TRIM2: variants seen among roughly 807,000 people sequenced by gnomAD.
TRIM2 encodes tripartite motif containing 2, also known as tripartite motif-containing protein 2.
Under a neutral mutation model 75.2 loss-of-function variants are expected in TRIM2, and 20 were observed. The observed-to-expected ratio is 0.27, with a 90% CI of 0.19 to 0.39. TRIM2 has a LOEUF of 0.39. TRIM2 is among the 10% of genes least tolerant of loss of function. The pLI, the probability that TRIM2 is intolerant of heterozygous loss-of-function variation, is 1.00. For synonymous variants in TRIM2, 373 were observed against 388.3 expected (o/e 0.96, Z 0.46); for missense variants, 660 against 990.8 (o/e 0.67, Z 4.48).
At chr4:153,315,709 A>G in intron 7 of TRIM2, 121 bp downstream of exon 7, 1 of 1,456,090 alleles carries the variant, frequency 6.9e-7, no homozygotes, top group Non-Finnish European at 9.5e-7. Flanking sequence ...GTTTATGTAG[A>G]CTTTTCTTCA....
intron 1 of TRIM2, among the ~76,000 whole-genome samples, chr4:153,221,763 TAAG>T (rs1390903177): frequency 3.9e-5 from 3 of 76,334 alleles, no homozygotes; most frequent in South Asian, 1.1e-3. Context: ...AGGGAGGAAA[TAAG>T]GAAGGAAGGA....
intron 3 of TRIM2, among the ~76,000 whole-genome samples, chr4:153,285,244 T>C (rs905966077): frequency 4.6e-5 from 7 of 152,212 alleles, no homozygotes; most frequent in Admixed American, 2.6e-4. Context: ...CAATTGACCA[T>C]GGATGTATGG....
intron 1 of TRIM2, among the ~76,000 whole-genome samples, chr4:153,235,567 T>A (rs1744814409): frequency 6.6e-6 from 1 of 152,192 alleles, no homozygotes; most frequent in Non-Finnish European, 1.5e-5. Flanking sequence ...ATTACAGGTG[T>A]GAGCCATGGT....
chr4:153,208,018 C>G (rs974269679), intron 1 of TRIM2, among the ~76,000 whole-genome samples: 5 of 152,154 alleles, frequency 3.3e-5, no homozygotes, highest in Non-Finnish European at 5.9e-5. Context: ...CACTTCTGGC[C>G]AGGTGCAGTG....
At chr4:153,263,464 A>G (rs767614090) in intron 1 of TRIM2, among the ~76,000 whole-genome samples, 1 of 152,204 alleles carries the variant, frequency 6.6e-6, no homozygotes, top group Non-Finnish European at 1.5e-5. Context: ...TGCTGCTGTG[A>G]ATAAGTCCGT....
chr4:153,301,265 A>G (rs1056014477), intron 6 of TRIM2, among the ~76,000 whole-genome samples: 1 of 152,072 alleles, frequency 6.6e-6, no homozygotes, highest in African/African-American at 2.4e-5. Flanking sequence ...AATAGGCTCA[A>G]GTGGTTCTCC....
chr4:153,170,301 G>A (rs1730715537), intron 1 of TRIM2, among the ~76,000 whole-genome samples: 1 of 152,182 alleles, frequency 6.6e-6, no homozygotes, highest in Non-Finnish European at 1.5e-5. Context: ...CCACTTTTCA[G>A]TGAATATGAA....
At chr4:153,269,666 G>A (rs902469707) in intron 1 of TRIM2, among the ~76,000 whole-genome samples, 6 of 152,140 alleles carry the variant, frequency 3.9e-5, no homozygotes, top group African/African-American at 1.4e-4. Flanking sequence ...ATATAGTCAT[G>A]GCTAAAGGCA....
chr4:153,184,759 C>G (rs1732422189), intron 1 of TRIM2, among the ~76,000 whole-genome samples: 1 of 152,198 alleles, frequency 6.6e-6, no homozygotes, highest in Non-Finnish European at 1.5e-5. Flanking sequence ...AATACTGCTG[C>G]TTTTATCCTG....
intron 1 of TRIM2, among the ~76,000 whole-genome samples, chr4:153,170,604 C>T (rs562688350): frequency 3.9e-5 from 6 of 152,272 alleles, no homozygotes; most frequent in African/African-American, 1.2e-4. Flanking sequence ...AGCACATTCA[C>T]CCACAAGCTA....
chr4:153,311,508 A>G (rs974381806), intron 6 of TRIM2, among the ~76,000 whole-genome samples: 7 of 152,014 alleles, frequency 4.6e-5, no homozygotes, highest in African/African-American at 1.7e-4. Flanking sequence ...GTGTTCATCT[A>G]TTCTGTTCAG....
At chr4:153,244,612 T>C (rs1358843797) in intron 1 of TRIM2, among the ~76,000 whole-genome samples, 2 of 151,950 alleles carry the variant, frequency 1.3e-5, no homozygotes, top group East Asian at 3.9e-4. Context: ...AATGGATTTA[T>C]AAGAAAGCTT....
intron 8 of TRIM2, among the ~76,000 whole-genome samples, chr4:153,318,289 C>T (rs1389697826): frequency 6.6e-6 from 1 of 152,220 alleles, no homozygotes; most frequent in Non-Finnish European, 1.5e-5. Flanking sequence ...CTGCTGTAGT[C>T]CCCTCATTGT....
intron 6 of TRIM2, among the ~76,000 whole-genome samples, chr4:153,304,714 A>G (rs907388309): frequency 1.3e-5 from 2 of 152,232 alleles, no homozygotes; most frequent in Admixed American, 1.3e-4. Context: ...GCCTGGTATA[A>G]TTTAAAATCT....
chr4:153,305,614 GA>G (rs1230678692), intron 6 of TRIM2, among the ~76,000 whole-genome samples: 1 of 152,180 alleles, frequency 6.6e-6, no homozygotes, highest in African/African-American at 2.4e-5. Flanking sequence ...TAATATGGTG[GA>G]AAAGCTGAAG....
intron 1 of TRIM2, among the ~76,000 whole-genome samples, chr4:153,205,980 ACT>A (rs1735311200): frequency 6.6e-6 from 1 of 152,116 alleles, no homozygotes; most frequent in Non-Finnish European, 1.5e-5. Context: ...GGAAATTCTG[ACT>A]CTGCCAGTGA....
rs1772749266 is a variant in TRIM2, at chr4:153,338,767, G to A, written c.*3801G>A. On this transcript the variant is annotated 3_prime_UTR_variant, in exon 12 of 12. Coordinates refer to ENST00000338700, the MANE Select transcript of TRIM2 (RefSeq NM_015271.5). ...TATTCTAGAATAGATTAATAAATTG[G>A]CTATGTTGTTCCAATGAATGTACAG... 1.0e-6 allele frequency: 1 copy of A among 985,630 alleles called. No individual in the cohort carries two copies. Among genetic ancestry groups the A allele is most frequent in the Admixed American group, 6.2e-5 (1 of 16,260 alleles). 61.1% of individuals were successfully genotyped at this position (985,630 alleles called of 1,614,324 possible). A position where few individuals can be genotyped will look rare whatever the true frequency, so the allele number is the denominator to read the frequency against.
At chr4:153,216,635 G>A (rs1738544390) in intron 1 of TRIM2, among the ~76,000 whole-genome samples, 1 of 152,192 alleles carries the variant, frequency 6.6e-6, no homozygotes, top group Non-Finnish European at 1.5e-5. Context: ...CAAAATGCCT[G>A]AGGCTGGCGA....
intron 1 of TRIM2, among the ~76,000 whole-genome samples, chr4:153,211,367 T>C (rs1348819147): frequency 6.6e-6 from 1 of 152,164 alleles, no homozygotes; most frequent in Non-Finnish European, 1.5e-5. Context: ...GTAAACCTGC[T>C]CCTTGATAAA....
Sources: allele counts gnomAD v4.1 joint callset (sites outside exome capture counted in the v4.1 genomes callset), GRCh38; gene constraint gnomAD v4.1.1; transcripts MANE v1.5; gene names NCBI Gene and HGNC (gene_info 2026-07-23, HGNC 2026-07-21).